The following PI4K2B variants were observed in gnomAD, a reference collection of about 807,000 sequenced individuals.
The protein encoded by PI4K2B is phosphatidylinositol 4-kinase type 2 beta, also known as phosphatidylinositol 4-kinase type 2-beta.
In PI4K2B, 46 loss-of-function variants were observed where a neutral mutation model predicts 56.6. The observed-to-expected ratio is 0.81, with a 90% CI of 0.64 to 1.04. PI4K2B has a LOEUF of 1.04. PI4K2B is among the 50% of genes least tolerant of loss of function. The pLI is 0.00. For missense variants in PI4K2B, 556 were observed against 607.7 expected (o/e 0.91, Z 0.89); for synonymous variants, 211 against 223.8 (o/e 0.94, Z 0.51).
chr4:25,241,416 T>G (rs1715517328), intron 1 of PI4K2B, among the ~76,000 whole-genome samples: 1 of 152,228 alleles, frequency 6.6e-6, no homozygotes, highest in Non-Finnish European at 1.5e-5. Flanking sequence ...AGAGATCATC[T>G]TGGGTGGCAT....
intron 9 of PI4K2B, among the ~76,000 whole-genome samples, chr4:25,273,853 G>T (rs1717002138): frequency 6.6e-6 from 1 of 152,208 alleles, no homozygotes. Context: ...ACACAGTCGG[G>T]CTCCAAACAG....
chr4:25,259,099 T>G lies in PI4K2B; in HGVS notation c.819T>G (p.Phe273Leu). The G allele has an allele frequency of 6.3e-7, 1 of 1,591,988 alleles. No individual in the cohort carries two copies. Among genetic ancestry groups the G allele is most frequent in the Non-Finnish European group, 8.6e-7 (1 of 1,160,264 alleles). The change falls in exon 5 of 10, where the codon TTT (phenylalanine) becomes TTG (leucine). Residue 273 changes from phenylalanine to leucine, a missense_variant. Physicochemically the swap from Phe to Leu is conservative, Grantham distance 22. Transcript: ENST00000264864. ...YKEAEYWLRK[F>L]EADPLPENIR... The stretch of plus-strand genomic sequence containing the variant: ...AGGCTGAATATTGGCTTAGGAAATT[T>G]GAAGCTGACCCTTTGCCTGAGAATA...
chr4:25,249,844 G>T (rs898700798), intron 1 of PI4K2B, among the ~76,000 whole-genome samples: 8 of 152,172 alleles, frequency 5.3e-5, no homozygotes. Flanking sequence ...CTGCAATCTC[G>T]GCACTTTGGG....
intron 4 of PI4K2B, among the ~76,000 whole-genome samples, chr4:25,258,242 G>A (rs1716326122): frequency 9.4e-6 from 1 of 105,922 alleles, no homozygotes; most frequent in Non-Finnish European, 2.0e-5. Context: ...CAGTCTCGCT[G>A]TGTCGCCTAG....
chr4:25,269,112 T>C lies in PI4K2B; in HGVS notation c.1213-32T>C, dbSNP rs1192114998. The stretch of plus-strand genomic sequence containing the variant: ...CAAATATTTATATCAAAGTCTTTAT[T>C]TTGGGAATTGTTTTTTTCCTTTCTA... On this transcript the variant is annotated intron_variant, in intron 8 of 9. Coordinates refer to ENST00000264864, the MANE Select transcript of PI4K2B (RefSeq NM_018323.4). The C allele has an allele frequency of 7.8e-6, 10 of 1,279,140 alleles. No individual in the cohort carries two copies. In the South Asian group the frequency reaches 1.2e-4, roughly 15 times the overall value. 79.2% of individuals were successfully genotyped at this position (1,279,140 alleles called of 1,614,324 possible).
intron 1 of PI4K2B, among the ~76,000 whole-genome samples, chr4:25,248,813 T>TTATTTG (rs1276203731): frequency 6.6e-6 from 1 of 152,098 alleles, no homozygotes; most frequent in Non-Finnish European, 1.5e-5. Flanking sequence ...ATTTTTATTT[T>TTATTTG]TTTAATTTTT....
chr4:25,244,865 C>T (rs1449880441), intron 1 of PI4K2B, among the ~76,000 whole-genome samples: 1 of 151,786 alleles, frequency 6.6e-6, no homozygotes, highest in Non-Finnish European at 1.5e-5. Context: ...GTGACCCTTA[C>T]CGACCCTTAC....
chr4:25,243,560 A>G lies in PI4K2B; in HGVS notation c.269-8761A>G, dbSNP rs7696455. On this transcript the variant is annotated intron_variant, in intron 1 of 9. Transcript: ENST00000264864. The stretch of plus-strand genomic sequence containing the variant: ...TAGAACACCGAGGTTGCCAGGTTTA[A>G]TAATGCCTCTAGATTTTGTTCAGGG... 8.3e-4 allele frequency among the ~76,000 whole-genome samples: 126 copies of G among 152,298 alleles called. 1 individual carries two copies. The highest frequency in any genetic ancestry group is 2.9e-3 in the African/African-American group (122 of 41,568).
chr4:25,247,637 G>A (rs968181873), intron 1 of PI4K2B, among the ~76,000 whole-genome samples: 1 of 152,228 alleles, frequency 6.6e-6, no homozygotes, highest in Non-Finnish European at 1.5e-5. Context: ...TCCAGTTCAA[G>A]ACCTGAAGGG....
At chr4:25,242,612 C>G (rs1044916390) in intron 1 of PI4K2B, among the ~76,000 whole-genome samples, 1 of 152,260 alleles carries the variant, frequency 6.6e-6, no homozygotes, top group Non-Finnish European at 1.5e-5. Context: ...CTCCACTGAC[C>G]ATTCAGTTTT....
chr4:25,277,920 C>G lies in PI4K2B; in HGVS notation c.*733C>G, dbSNP rs1717163928. ...CAATATTTTGGAATACCAAAATTGCCTTAAAAATTCCCTTCTGTTTCTTAC... is the reference window on the plus strand; with the variant it reads ...CAATATTTTGGAATACCAAAATTGCGTTAAAAATTCCCTTCTGTTTCTTAC... On this transcript the variant is annotated 3_prime_UTR_variant, in exon 10 of 10. Coordinates refer to ENST00000264864, the MANE Select transcript of PI4K2B (RefSeq NM_018323.4). The G allele has an allele frequency of 1.3e-5, 2 of 152,012 alleles. No individual in the cohort carries two copies. The highest frequency in any genetic ancestry group is 1.3e-4 in the Admixed American group (2 of 15,240). The allele number at this position is 152,012 out of a possible 1,614,324, so 9.4% of individuals were successfully genotyped here.
chr4:25,235,975 G>A (rs1468370355), intron 1 of PI4K2B, among the ~76,000 whole-genome samples: 2 of 149,254 alleles, frequency 1.3e-5, no homozygotes, highest in Admixed American at 6.8e-5. Flanking sequence ...GCAACATAGC[G>A]AGATCCCCAT....
chr4:25,262,936 T>A (rs941147538), intron 6 of PI4K2B, among the ~76,000 whole-genome samples: 1 of 152,138 alleles, frequency 6.6e-6, no homozygotes, highest in African/African-American at 2.4e-5. Flanking sequence ...CAAGGCTGGG[T>A]CATTTATAAA....
chr4:25,248,604 T>C (rs1208996758), intron 1 of PI4K2B, among the ~76,000 whole-genome samples: 2 of 151,732 alleles, frequency 1.3e-5, no homozygotes, highest in African/African-American at 4.8e-5. Context: ...TATGGTTTTT[T>C]TTTTTTTACA....
At chr4:25,236,753 T>G (rs1274034028) in intron 1 of PI4K2B, among the ~76,000 whole-genome samples, 2 of 152,168 alleles carry the variant, frequency 1.3e-5, no homozygotes, top group East Asian at 3.8e-4. Context: ...CTTCTGCCCC[T>G]TTTCCGTTTT....
intron 1 of PI4K2B, among the ~76,000 whole-genome samples, chr4:25,236,805 T>G (rs1430195259): frequency 6.6e-6 from 1 of 152,220 alleles, no homozygotes; most frequent in African/African-American, 2.4e-5. Flanking sequence ...GTGTCTGTGG[T>G]TATTTTGGAG....
At chr4:25,274,515 G>T (rs1688928801) in intron 9 of PI4K2B, among the ~76,000 whole-genome samples, 1 of 152,156 alleles carries the variant, frequency 6.6e-6, no homozygotes, top group Admixed American at 6.5e-5. Context: ...CAGGGCAGAG[G>T]TCCTTTCCAT....
At position 25,262,198 on chromosome 4, in the gene PI4K2B, G is replaced by A. The variant is rs192168548; in HGVS notation, c.979-1552G>A. The stretch of plus-strand genomic sequence containing the variant: ...AAAAGTAAAATGAAATAAATTAGCC[G>A]GACATGGTGGCAGGCACCTGTGGTC... On this transcript the variant is annotated intron_variant, in intron 6 of 9. Coordinates refer to ENST00000264864, the MANE Select transcript of PI4K2B (RefSeq NM_018323.4). Among the ~76,000 whole-genome samples the A allele has an allele frequency of 4.0e-4, 61 of 152,212 alleles. 1 individual carries two copies. The East Asian group carries it at 9.8e-3, about 25-fold the overall frequency.
At chr4:25,236,829 A>G (rs931990171) in intron 1 of PI4K2B, among the ~76,000 whole-genome samples, 2 of 152,222 alleles carry the variant, frequency 1.3e-5, no homozygotes, top group Non-Finnish European at 2.9e-5. Flanking sequence ...TTTACCTTTA[A>G]TAGGACTTTA....
Sources: gnomAD v4.1 joint callset for allele counts (sites outside exome capture counted in the v4.1 genomes callset) on GRCh38, gnomAD v4.1.1 for gene constraint, MANE v1.5 for transcripts, NCBI Gene and HGNC (gene_info 2026-07-23, HGNC 2026-07-21) for gene names.